The following DPYD variants were observed in gnomAD, a reference collection of about 807,000 sequenced individuals.
DPYD encodes dihydropyrimidine dehydrogenase [NADP(+)].
DPYD carries 109 observed loss-of-function variants against 116.2 expected under a neutral mutation model. The observed-to-expected ratio is 0.94, with a 90% CI of 0.80 to 1.10. The LOEUF (loss-of-function observed/expected upper bound fraction) is 1.10. Among genes scored for constraint, DPYD ranks in the 50% least tolerant of loss-of-function variants. The pLI is 0.00. For synonymous variants in DPYD, 440 were observed against 432.0 expected (o/e 1.02, Z -0.23); for missense variants, 1,302 against 1,254.5 (o/e 1.04, Z -0.57).
intron 11 of DPYD, among the ~76,000 whole-genome samples, chr1:97,556,743 TC>T (rs1196770067): frequency 6.7e-6 from 1 of 150,286 alleles, no homozygotes; most frequent in Admixed American, 6.6e-5. Flanking sequence ...ATTTTCTTAA[TC>T]CAGTCTATCA....
chr1:97,595,779 A>G (rs957627595), intron 8 of DPYD, among the ~76,000 whole-genome samples: 1 of 151,894 alleles, frequency 6.6e-6, no homozygotes, highest in South Asian at 2.1e-4. Context: ...CAATGGAAAC[A>G]TAAAGAATAA....
intron 19 of DPYD, among the ~76,000 whole-genome samples, chr1:97,209,687 T>A (rs1299379071): frequency 6.6e-6 from 1 of 152,152 alleles, no homozygotes; most frequent in Non-Finnish European, 1.5e-5. Flanking sequence ...AGGAAGATGA[T>A]AATGAGATTA....
chr1:97,832,045 T>TTTTGTGTGTGTGTGTG (rs373676873), intron 2 of DPYD, among the ~76,000 whole-genome samples: 2 of 134,014 alleles, frequency 1.5e-5, no homozygotes, highest in South Asian at 5.3e-4. Context: ...ATATAATGTA[T>TTTTGTGTGTGTGTGTG]TGTGTGTGTG....
chr1:97,540,351 G>T (rs1057368449), intron 12 of DPYD, among the ~76,000 whole-genome samples: 3 of 141,962 alleles, frequency 2.1e-5, no homozygotes, highest in Non-Finnish European at 4.6e-5. Context: ...GGGTGGCGGC[G>T]GGGCAGGGAA....
At chr1:97,467,906 G>A (rs1011698367) in intron 13 of DPYD, among the ~76,000 whole-genome samples, 4 of 152,182 alleles carry the variant, frequency 2.6e-5, no homozygotes, top group Admixed American at 1.3e-4. Flanking sequence ...GAAGGGAACA[G>A]ATCTAGAAAA....
intron 11 of DPYD, among the ~76,000 whole-genome samples, chr1:97,565,921 C>A (rs1652485646): frequency 6.6e-6 from 1 of 152,122 alleles, no homozygotes; most frequent in South Asian, 2.1e-4. Context: ...TGAGAACATG[C>A]ATGAAGTAAG....
chr1:97,594,924 T>A (rs1179130066), intron 9 of DPYD, 135 bp downstream of exon 9: 55 of 629,812 alleles, frequency 8.7e-5, no homozygotes, highest in South Asian at 7.4e-4. Flanking sequence ...TTTTTTTTTT[T>A]AATTTTACAT....
chr1:97,196,636 T>C lies in DPYD; in HGVS notation c.2443-3388A>G, dbSNP rs1658833525. The stretch of plus-strand genomic sequence containing the variant: ...GCACTTTTAAATATATTATCTTCTT[T>C]AGTCCTCAAGATAACCCTAAAAGAT... On this transcript the variant is annotated intron_variant, in intron 19 of 22. Coordinates refer to ENST00000370192, the MANE Select transcript of DPYD (RefSeq NM_000110.4). Among the ~76,000 whole-genome samples, 5 of 152,168 alleles carry C rather than the reference T, an allele frequency of 3.3e-5. No homozygotes were observed. The South Asian group carries it at 1.0e-3, about 32-fold the overall frequency.
chr1:97,565,592 T>C (rs1461688280), intron 11 of DPYD, among the ~76,000 whole-genome samples: 1 of 152,186 alleles, frequency 6.6e-6, no homozygotes, highest in African/African-American at 2.4e-5. Context: ...CATACTTTTG[T>C]ATATGATGTT....
chr1:97,288,331 G>A (rs6702893), intron 18 of DPYD, among the ~76,000 whole-genome samples: 5 of 149,944 alleles, frequency 3.3e-5, no homozygotes, highest in African/African-American at 4.9e-5. Context: ...CTGCACCAAG[G>A]GGACCTAATA....
chr1:97,653,252 A>G (rs1301092657), intron 8 of DPYD, among the ~76,000 whole-genome samples: 1 of 152,082 alleles, frequency 6.6e-6, no homozygotes, highest in Non-Finnish European at 1.5e-5. Context: ...AAAGAATGGA[A>G]TCAGGTAAAA....
chr1:97,091,384 A>T (rs1378396752), intron 21 of DPYD, among the ~76,000 whole-genome samples: 1 of 152,202 alleles, frequency 6.6e-6, no homozygotes, highest in African/African-American at 2.4e-5. Context: ...GAAAAATGGT[A>T]TGTCAAGAAA....
intron 14 of DPYD, among the ~76,000 whole-genome samples, chr1:97,433,849 A>C (rs762870960): frequency 6.6e-6 from 1 of 152,174 alleles, no homozygotes; most frequent in Non-Finnish European, 1.5e-5. Flanking sequence ...GGTAACAATA[A>C]TAATTACTGT....
At chr1:97,807,042 A>G (rs1668109837) in intron 3 of DPYD, among the ~76,000 whole-genome samples, 1 of 151,990 alleles carries the variant, frequency 6.6e-6, no homozygotes, top group Admixed American at 6.6e-5. Flanking sequence ...ATGTACCACA[A>G]TTTATTTAGG....
chr1:97,818,644 G>C lies in DPYD; in HGVS notation c.233+9470C>G, dbSNP rs762967621. ...CAATTAAATTATATTTGGGCCATTT[G>C]AGCAGTGAGATTGGAAACTGAGTGT... On this transcript the variant is annotated intron_variant, in intron 3 of 22. Coordinates refer to ENST00000370192, the MANE Select transcript of DPYD (RefSeq NM_000110.4). 3.3e-5 allele frequency among the ~76,000 whole-genome samples: 5 copies of C among 152,076 alleles called. No individual in the cohort carries two copies. The East Asian group carries it at 9.7e-4, about 29-fold the overall frequency.
intron 8 of DPYD, among the ~76,000 whole-genome samples, chr1:97,640,571 A>C (rs1227275223): frequency 1.3e-5 from 2 of 152,164 alleles, no homozygotes; most frequent in African/African-American, 4.8e-5. Context: ...AGCCTCCCAC[A>C]GTGCTGGGAT....
At chr1:97,740,319 T>G (rs1664189718) in intron 4 of DPYD, 73 bp downstream of exon 4, 1 of 1,285,690 alleles carries the variant, frequency 7.8e-7, no homozygotes, top group Non-Finnish European at 1.1e-6. Flanking sequence ...CAAGCTGTAT[T>G]CTGTACCCAC....
intron 20 of DPYD, 107 bp downstream of exon 20, chr1:97,192,962 A>G: frequency 8.0e-7 from 1 of 1,247,234 alleles, no homozygotes; most frequent in Non-Finnish European, 1.2e-6. Context: ...CACATCCAGG[A>G]GGCACTGTGT....
chr1:97,403,220 G>T (rs1169643635), intron 14 of DPYD, among the ~76,000 whole-genome samples: 1 of 152,000 alleles, frequency 6.6e-6, no homozygotes, highest in Non-Finnish European at 1.5e-5. Flanking sequence ...AAAAGTGTGT[G>T]CTTCAACTTC....
Sources: gnomAD v4.1 joint callset for allele counts (sites outside exome capture counted in the v4.1 genomes callset) on GRCh38, gnomAD v4.1.1 for gene constraint, MANE v1.5 for transcripts, NCBI Gene and HGNC (gene_info 2026-07-23, HGNC 2026-07-21) for gene names.